Variants in PARN observed in about 807,000 individuals in gnomAD.
PARN encodes poly(A)-specific ribonuclease, also known as poly(A)-specific ribonuclease PARN.
Under a neutral mutation model 102.8 loss-of-function variants are expected in PARN, and 71 were observed. That is an observed-to-expected ratio of 0.69 (90% CI 0.57 to 0.84). PARN has a LOEUF of 0.84. Ranked by LOEUF, PARN falls within the 40% of genes least tolerant of loss-of-function variation. The pLI, the probability that PARN is intolerant of heterozygous loss-of-function variation, is 0.00. For missense variants in PARN, 782 were observed against 760.9 expected (o/e 1.03, Z -0.33); for synonymous variants, 261 against 252.9 (o/e 1.03, Z -0.30).
chr16:14,577,171 A>C (rs1318407580), intron 18 of PARN, among the ~76,000 whole-genome samples: 1 of 152,262 alleles, frequency 6.6e-6, no homozygotes, highest in Admixed American at 6.5e-5. Flanking sequence ...GGTTACATTT[A>C]GAAAAGACTG....
chr16:14,475,223 A>G (rs1299732794), intron 22 of PARN, among the ~76,000 whole-genome samples: 3 of 152,258 alleles, frequency 2.0e-5, no homozygotes, highest in African/African-American at 7.2e-5. Flanking sequence ...GGCTTTAGAA[A>G]ATCATTCCCT....
intron 23 of PARN, among the ~76,000 whole-genome samples, chr16:14,440,199 A>T (rs955655000): frequency 6.6e-6 from 1 of 152,236 alleles, no homozygotes; most frequent in Non-Finnish European, 1.5e-5. Flanking sequence ...AAATGAAAAG[A>T]TATTTCACCA....
intron 5 of PARN, among the ~76,000 whole-genome samples, chr16:14,626,841 TCTC>T (rs1409803527): frequency 1.3e-5 from 2 of 151,872 alleles, no homozygotes; most frequent in African/African-American, 4.8e-5. Context: ...ATGGTCTCGA[TCTC>T]CTGACCTCAT....
At position 14,552,242 on chromosome 16, in the gene PARN, A is replaced by G. The variant is rs1023708032; in HGVS notation, c.1406-147T>C. 2.0e-5 allele frequency: 12 copies of G among 589,922 alleles called. No individual in the cohort carries two copies. The East Asian group carries it at 3.4e-4, about 17-fold the overall frequency. The allele number at this position is 589,922 out of a possible 1,614,324, so 36.5% of individuals were successfully genotyped here. On this transcript the variant is annotated intron_variant, in intron 20 of 23. Coordinates refer to ENST00000437198, the MANE Select transcript of PARN (RefSeq NM_002582.4). Reference sequence around the variant, plus strand: ...AAAATGTGATCAAAATCTCAGCCCTACAGAGAGTTAGCCTGTTCAAAGGCT... The same window carrying G: ...AAAATGTGATCAAAATCTCAGCCCTGCAGAGAGTTAGCCTGTTCAAAGGCT...
chr16:14,581,909 A>G (rs2151750511), intron 17 of PARN, among the ~76,000 whole-genome samples: 1 of 152,282 alleles, frequency 6.6e-6, no homozygotes, highest in Non-Finnish European at 1.5e-5. Context: ...GACTCTTAAA[A>G]AAGAGGCGGC....
chr16:14,613,127 T>C (rs1971621143), intron 6 of PARN, among the ~76,000 whole-genome samples: 1 of 151,396 alleles, frequency 6.6e-6, no homozygotes, highest in African/African-American at 2.4e-5. Context: ...CTGACCAACA[T>C]GGAGAAACCC....
At chr16:14,624,583 T>C (rs1246005092) in intron 5 of PARN, among the ~76,000 whole-genome samples, 1 of 152,246 alleles carries the variant, frequency 6.6e-6, no homozygotes, top group Non-Finnish European at 1.5e-5. Context: ...CTGTTTCCAA[T>C]ACATTTCTCA....
intron 13 of PARN, among the ~76,000 whole-genome samples, chr16:14,592,371 G>T (rs1054502608): frequency 1.3e-5 from 2 of 152,206 alleles, no homozygotes. Flanking sequence ...AAAGATGTTG[G>T]TGTCTACAGC....
chr16:14,597,122 T>C (rs577646466), intron 12 of PARN, among the ~76,000 whole-genome samples: 54 of 151,994 alleles, frequency 3.6e-4, no homozygotes, highest in South Asian at 2.1e-4. Flanking sequence ...CAAGAATAAA[T>C]GTAGAAAGGA....
chr16:14,454,707 T>C (rs1174783399), intron 22 of PARN, among the ~76,000 whole-genome samples: 1 of 152,252 alleles, frequency 6.6e-6, no homozygotes, highest in Non-Finnish European at 1.5e-5. Context: ...GTCAGGAATT[T>C]TTGTTTTTTC....
In PARN at chr16:14,627,161, T is replaced by C. The variant is rs201765587; in HGVS notation, c.272A>G (p.Tyr91Cys). Residue 91 changes from tyrosine to cysteine, a missense_variant, in exon 5 of 24, where the codon TAT (tyrosine) becomes TGT (cysteine). Tyr to Cys is a radical substitution (Grantham distance 194). Coordinates refer to ENST00000437198, the MANE Select transcript of PARN (RefSeq NM_002582.4). ...TCTATTGAAGGGTTTCGGGAAAACA[T>C]AGAAGTTAAATGACTTCGTTATATA... ...SKYITKSFNF[Y>C]VFPKPFNRSS... The C allele has an allele frequency of 5.5e-5, 88 of 1,605,790 alleles. No individual in the cohort carries two copies. Among genetic ancestry groups the C allele is most frequent in the Admixed American group, 1.3e-4 (8 of 59,576 alleles).
intron 5 of PARN, among the ~76,000 whole-genome samples, chr16:14,619,454 T>A (rs1253686909): frequency 1.3e-5 from 2 of 151,504 alleles, no homozygotes; most frequent in Admixed American, 6.6e-5. Flanking sequence ...ATAATAATAA[T>A]AAAATTATTT....
At chr16:14,584,101 T>C (rs564538714) in intron 16 of PARN, among the ~76,000 whole-genome samples, 3 of 152,344 alleles carry the variant, frequency 2.0e-5, no homozygotes, top group Admixed American at 1.3e-4. Flanking sequence ...AATAGAAGCC[T>C]TGAAGCTTTA....
intron 23 of PARN, 101 bp from the exon 24 acceptor site, chr16:14,436,873 G>A (rs375359924): frequency 4.5e-5 from 37 of 830,368 alleles, no homozygotes; most frequent in Non-Finnish European, 6.6e-5. Flanking sequence ...TGTGACGGCT[G>A]CAGACGGGGC....
chr16:14,464,016 AT>A (rs909729543), intron 22 of PARN, among the ~76,000 whole-genome samples: 1 of 151,902 alleles, frequency 6.6e-6, no homozygotes, highest in East Asian at 1.9e-4. Flanking sequence ...TTGTGTGTGT[AT>A]TTTTTTGAAG....
intron 21 of PARN, among the ~76,000 whole-genome samples, chr16:14,484,076 C>T (rs1963528195): frequency 6.6e-6 from 1 of 152,182 alleles, no homozygotes; most frequent in South Asian, 2.1e-4. Context: ...ATGCACTCTG[C>T]AAATTTAAGA....
intron 18 of PARN, among the ~76,000 whole-genome samples, chr16:14,571,979 G>C (rs1252305031): frequency 6.6e-6 from 1 of 152,186 alleles, no homozygotes; most frequent in East Asian, 1.9e-4. Context: ...GAATCCTATG[G>C]AGTGTTGTGA....
intron 18 of PARN, among the ~76,000 whole-genome samples, chr16:14,573,589 G>A (rs1465335252): frequency 1.3e-5 from 2 of 152,274 alleles, no homozygotes; most frequent in South Asian, 2.1e-4. Flanking sequence ...AAGATGATAC[G>A]CTTTGGCTAT....
intron 23 of PARN, among the ~76,000 whole-genome samples, chr16:14,446,064 G>A (rs1165935555): frequency 6.6e-6 from 1 of 152,268 alleles, no homozygotes; most frequent in East Asian, 1.9e-4. Context: ...TATGATTACT[G>A]TCACTGTGAC....
Sources: gnomAD v4.1 joint callset for allele counts (sites outside exome capture counted in the v4.1 genomes callset) on GRCh38, gnomAD v4.1.1 for gene constraint, MANE v1.5 for transcripts, NCBI Gene and HGNC (gene_info 2026-07-23, HGNC 2026-07-21) for gene names.